The following ARHGAP42 variants were observed in gnomAD, a reference collection of about 807,000 sequenced individuals.
ARHGAP42 encodes Rho GTPase activating protein 42.
A neutral mutation model predicts 125.0 loss-of-function variants in ARHGAP42; 63 were observed. The ratio of observed to expected loss-of-function variants is 0.50; its 90% CI spans 0.41 to 0.62. ARHGAP42 has a LOEUF of 0.62. Ranked by LOEUF, ARHGAP42 falls within the 20% of genes least tolerant of loss-of-function variation. ARHGAP42 has a pLI of 0.00. For missense variants in ARHGAP42, 766 were observed against 1,024.2 expected, an observed-to-expected ratio of 0.75 and a Z score of 3.44; for synonymous variants, 339 against 351.0, an observed-to-expected ratio of 0.97 and a Z score of 0.38.
chr11:100,893,157 G>GT lies in ARHGAP42; in HGVS notation c.385-20295_385-20294insT, dbSNP rs1273832098. 1.1e-3 allele frequency among the ~76,000 whole-genome samples: 120 copies of GT among 107,840 alleles called. 1 individual carries two copies. The East Asian group carries it at 0.022, about 19-fold the overall frequency. The allele number at this position is 107,840 out of a possible 152,430, so 70.7% of individuals were successfully genotyped here. ...CATCCTTACTCAGAGAAACATTTAG[G>GT]GGTGTGTGTGTGTGTGTGTGTGTGT... On this transcript the variant is annotated intron_variant, in intron 4 of 23. Coordinates refer to ENST00000298815, the MANE Select transcript of ARHGAP42 (RefSeq NM_152432.4).
At chr11:100,942,848 C>T (rs1454554372) in intron 9 of ARHGAP42, among the ~76,000 whole-genome samples, 2 of 152,084 alleles carry the variant, frequency 1.3e-5, no homozygotes, top group Non-Finnish European at 2.9e-5. Context: ...TTACTAAGTG[C>T]CATAACACAC....
intron 11 of ARHGAP42, among the ~76,000 whole-genome samples, chr11:100,949,709 C>T (rs138799665): frequency 1.1e-3 from 160 of 152,138 alleles, no homozygotes; most frequent in Non-Finnish European, 1.5e-3. Context: ...AGCACAGCCA[C>T]GGATGGAAAA....
chr11:100,945,149 T>G lies in ARHGAP42; in HGVS notation c.1043+1281T>G, dbSNP rs74817865. 7.7e-3 allele frequency among the ~76,000 whole-genome samples: 1,166 copies of G among 152,196 alleles called. 19 individuals are homozygous for G. The highest frequency in any genetic ancestry group is 0.027 in the African/African-American group (1,115 of 41,548). Reference sequence around the variant, plus strand: ...AAGATTCCATCTCAGTAAACCACTTTCTTTGCCCATCCATAAGAAGCAACT... The same window carrying G: ...AAGATTCCATCTCAGTAAACCACTTGCTTTGCCCATCCATAAGAAGCAACT... On this transcript the variant is annotated intron_variant, in intron 10 of 23. Coordinates refer to ENST00000298815, the MANE Select transcript of ARHGAP42 (RefSeq NM_152432.4).
intron 1 of ARHGAP42, among the ~76,000 whole-genome samples, chr11:100,704,484 CTT>C (rs1194655312): frequency 6.6e-6 from 1 of 152,138 alleles, no homozygotes; most frequent in African/African-American, 2.4e-5. Flanking sequence ...TTTAAACTCT[CTT>C]GGGTGCACAG....
chr11:100,734,221 C>T (rs1326504207), intron 1 of ARHGAP42, among the ~76,000 whole-genome samples: 1 of 151,840 alleles, frequency 6.6e-6, no homozygotes, highest in East Asian at 2.0e-4. Context: ...GCGTGAGCCA[C>T]CGCGCCTGGC....
chr11:100,853,694 C>T (rs1865257623), intron 3 of ARHGAP42, among the ~76,000 whole-genome samples: 1 of 152,066 alleles, frequency 6.6e-6, no homozygotes, highest in Non-Finnish European at 1.5e-5. Flanking sequence ...GTTTTCCATT[C>T]CTCCACCTTA....
At chr11:100,765,166 T>C (rs1862799948) in intron 1 of ARHGAP42, among the ~76,000 whole-genome samples, 1 of 152,210 alleles carries the variant, frequency 6.6e-6, no homozygotes, top group South Asian at 2.1e-4. Context: ...TTTATAGATA[T>C]GGTTGAGTAT....
intron 4 of ARHGAP42, among the ~76,000 whole-genome samples, chr11:100,904,933 G>T (rs1866679604): frequency 6.6e-6 from 1 of 152,152 alleles, no homozygotes; most frequent in Non-Finnish European, 1.5e-5. Context: ...TGTTCTCCCA[G>T]TCTTGGTCAG....
chr11:100,770,455 T>C lies in ARHGAP42; in HGVS notation c.250+17T>C, dbSNP rs1312788503. On this transcript the variant is annotated intron_variant, in intron 2 of 23. Coordinates refer to ENST00000298815, the MANE Select transcript of ARHGAP42 (RefSeq NM_152432.4). ...TTAGTATTGGTAAGTACTACTGTTT[T>C]AGAAAGTTCTATTACTAATATTTAT... 1.4e-6 allele frequency: 2 copies of C among 1,479,530 alleles called. No homozygotes were observed. Among genetic ancestry groups the C allele is most frequent in the Non-Finnish European group, 1.8e-6 (2 of 1,087,378 alleles). The allele number at this position is 1,479,530 out of a possible 1,614,324, so 91.7% of individuals were successfully genotyped here. A position where few individuals can be genotyped will look rare whatever the true frequency, so the allele number is the denominator to read the frequency against.
intron 1 of ARHGAP42, among the ~76,000 whole-genome samples, chr11:100,713,386 T>G (rs893495566): frequency 6.6e-6 from 1 of 152,222 alleles, no homozygotes; most frequent in Non-Finnish European, 1.5e-5. Context: ...TTGTAAGATC[T>G]GCCATTGATT....
chr11:100,928,979 T>G (rs1867501736), intron 6 of ARHGAP42, among the ~76,000 whole-genome samples: 1 of 152,198 alleles, frequency 6.6e-6, no homozygotes, highest in African/African-American at 2.4e-5. Flanking sequence ...TAACATTTTA[T>G]TGTATGGATA....
intron 16 of ARHGAP42, among the ~76,000 whole-genome samples, chr11:100,964,461 G>A (rs1264806410): frequency 6.6e-6 from 1 of 152,130 alleles, no homozygotes; most frequent in South Asian, 2.1e-4. Flanking sequence ...TGCTAGGTTA[G>A]ACCTCATGTT....
intron 3 of ARHGAP42, among the ~76,000 whole-genome samples, chr11:100,822,461 C>T (rs1864425408): frequency 6.6e-6 from 1 of 152,088 alleles, no homozygotes; most frequent in Non-Finnish European, 1.5e-5. Flanking sequence ...CTGTTTGTTT[C>T]ACTGTTATTT....
intron 2 of ARHGAP42, among the ~76,000 whole-genome samples, chr11:100,784,460 T>C (rs1386410945): frequency 2.6e-5 from 4 of 152,146 alleles, no homozygotes; most frequent in Non-Finnish European, 4.4e-5. Context: ...GTAAGATCCT[T>C]ATATGGGTAT....
At chr11:100,745,946 C>G (rs113259222) in intron 1 of ARHGAP42, among the ~76,000 whole-genome samples, 200 of 152,276 alleles carry the variant, frequency 1.3e-3, no homozygotes, top group African/African-American at 4.4e-3. Context: ...CCCCATGGGA[C>G]TCTAATTGTG....
chr11:100,759,584 T>C (rs80104180), intron 1 of ARHGAP42, among the ~76,000 whole-genome samples: 177 of 152,160 alleles, frequency 1.2e-3, no homozygotes, highest in African/African-American at 4.0e-3. Context: ...ATAAAAGGGA[T>C]CATTGTCTAG....
At chr11:100,862,190 G>A (rs903691218) in intron 4 of ARHGAP42, among the ~76,000 whole-genome samples, 3 of 152,104 alleles carry the variant, frequency 2.0e-5, no homozygotes, top group African/African-American at 7.2e-5. Flanking sequence ...TTACAAATGA[G>A]GAAAATGATG....
At chr11:100,834,134 AAT>A (rs1864726902) in intron 3 of ARHGAP42, among the ~76,000 whole-genome samples, 1 of 152,144 alleles carries the variant, frequency 6.6e-6, no homozygotes, top group African/African-American at 2.4e-5. Flanking sequence ...AGTTATATGA[AAT>A]ACATTCTTAA....
chr11:100,918,330 A>G (rs1591294198), intron 5 of ARHGAP42, among the ~76,000 whole-genome samples: 2 of 152,134 alleles, frequency 1.3e-5, no homozygotes, highest in East Asian at 3.9e-4. Context: ...ATATCCAACA[A>G]ATATCACCTG....
Sources: gnomAD v4.1 joint callset for allele counts (sites outside exome capture counted in the v4.1 genomes callset) on GRCh38, gnomAD v4.1.1 for gene constraint, MANE v1.5 for transcripts, NCBI Gene and HGNC (gene_info 2026-07-23, HGNC 2026-07-21) for gene names.